Variants in LYN observed in about 807,000 individuals in gnomAD.
LYN encodes the protein tyrosine-protein kinase Lyn.
Under a neutral mutation model 65.0 loss-of-function variants are expected in LYN, and 12 were observed. The observed-to-expected ratio is 0.18, with a 90% CI of 0.12 to 0.30. The LOEUF (loss-of-function observed/expected upper bound fraction) is 0.30. Among genes scored for constraint, LYN ranks in the 10% least tolerant of loss-of-function variants. LYN has a pLI of 1.00. For missense variants in LYN, 380 were observed against 623.2 expected, an observed-to-expected ratio of 0.61 and a Z score of 4.16; for synonymous variants, 222 against 221.2, an observed-to-expected ratio of 1.00 and a Z score of -0.03.
chr8:55,947,228 G>A (rs1806806194), intron 3 of LYN, among the ~76,000 whole-genome samples: 2 of 152,350 alleles, frequency 1.3e-5, no homozygotes, highest in South Asian at 2.1e-4. Context: ...CAGTCTGGGC[G>A]ACAAGAGCGA....
intron 1 of LYN, among the ~76,000 whole-genome samples, chr8:55,880,555 A>G (rs993121702): frequency 6.6e-6 from 1 of 151,946 alleles, no homozygotes; most frequent in Non-Finnish European, 1.5e-5. Context: ...GTGCAATCTG[A>G]TCTCCCCTCT....
chr8:55,994,373 CTT>C, intron 10 of LYN, among the ~76,000 whole-genome samples: 1 of 152,204 alleles, frequency 6.6e-6, no homozygotes, highest in South Asian at 2.1e-4. Flanking sequence ...ATCTGAGCTC[CTT>C]AAAGCACTCT....
chr8:55,997,145 C>G (rs1205420958), intron 10 of LYN, among the ~76,000 whole-genome samples: 5 of 136,728 alleles, frequency 3.7e-5, no homozygotes, highest in African/African-American at 8.6e-5. Context: ...CTGGGGGAGA[C>G]AGTGAGACTG....
At chr8:55,967,337 CAG>C (rs1181676107) in intron 9 of LYN, among the ~76,000 whole-genome samples, 2 of 89,614 alleles carry the variant, frequency 2.2e-5, no homozygotes, top group Non-Finnish European at 4.0e-5. Context: ...TTTTTGGAAA[CAG>C]AGTCTCACAC....
chr8:55,961,148 T>C (rs76950468), intron 8 of LYN, among the ~76,000 whole-genome samples: 3,697 of 152,302 alleles, frequency 0.024, 163 homozygotes, highest in African/African-American at 0.085. Context: ...ACTGCATGCA[T>C]TTTTTAAAAA....
chr8:55,972,538 C>G (rs1235305331), intron 10 of LYN, among the ~76,000 whole-genome samples: 1 of 152,180 alleles, frequency 6.6e-6, no homozygotes, highest in South Asian at 2.1e-4. Context: ...CTCCCTCGTC[C>G]GCCTGGGATG....
chr8:56,000,759 G>T (rs1808491213), intron 12 of LYN, among the ~76,000 whole-genome samples: 1 of 147,978 alleles, frequency 6.8e-6, no homozygotes, highest in Non-Finnish European at 1.5e-5. Context: ...AAAAAAAGAG[G>T]GATTTCTCCC....
intron 1 of LYN, among the ~76,000 whole-genome samples, chr8:55,884,256 C>T (rs1320652252): frequency 6.6e-6 from 1 of 152,112 alleles, no homozygotes; most frequent in East Asian, 1.9e-4. Context: ...AAGCATGTGC[C>T]ACCACACCCA....
chr8:55,975,713 A>C (rs1342872713), intron 10 of LYN, among the ~76,000 whole-genome samples: 2 of 152,142 alleles, frequency 1.3e-5, no homozygotes, highest in Admixed American at 6.5e-5. Context: ...TTACTGTCAG[A>C]ATTGCAAAAG....
intron 1 of LYN, among the ~76,000 whole-genome samples, chr8:55,908,981 T>TTGTGTATG (rs1805507606): frequency 2.5e-5 from 1 of 39,552 alleles, no homozygotes; most frequent in Non-Finnish European, 5.0e-5. Flanking sequence ...TGGTATTCCA[T>TTGTGTATG]TGTGTATGTA....
intron 1 of LYN, among the ~76,000 whole-genome samples, chr8:55,909,362 C>A (rs933510723): frequency 6.6e-6 from 1 of 152,158 alleles, no homozygotes; most frequent in Non-Finnish European, 1.5e-5. Flanking sequence ...CCAGGGCCAA[C>A]AAGGCCCATG....
intron 10 of LYN, among the ~76,000 whole-genome samples, chr8:55,992,449 G>A (rs1390063723): frequency 6.6e-6 from 1 of 152,148 alleles, no homozygotes; most frequent in Admixed American, 6.5e-5. Flanking sequence ...GGTGTTTGGA[G>A]AACCTTCCTC....
At chr8:55,967,604 C>T (rs1807500699) in intron 9 of LYN, among the ~76,000 whole-genome samples, 1 of 152,142 alleles carries the variant, frequency 6.6e-6, no homozygotes, top group Non-Finnish European at 1.5e-5. Flanking sequence ...GCATGAGCAC[C>T]CAGCCTCTAT....
chr8:55,895,749 TG>T (rs1805077474), intron 1 of LYN: 1 of 152,226 alleles, frequency 6.6e-6, no homozygotes, highest in Non-Finnish European at 1.5e-5. Context: ...AACAGATTTT[TG>T]TTTGGTATCT....
At chr8:55,986,193 G>GC (rs947359948) in intron 10 of LYN, among the ~76,000 whole-genome samples, 6 of 146,878 alleles carry the variant, frequency 4.1e-5, no homozygotes, top group African/African-American at 1.3e-4. Flanking sequence ...AATCCCCCCC[G>GC]CAAAAAAAAA....
chr8:55,883,050 G>C (rs368080471), intron 1 of LYN, among the ~76,000 whole-genome samples: 9 of 152,142 alleles, frequency 5.9e-5, no homozygotes, highest in Non-Finnish European at 1.0e-4. Context: ...AAACATGGTC[G>C]AAACACTCAC....
chr8:55,962,881 G>A (rs1807328120), intron 8 of LYN, among the ~76,000 whole-genome samples: 1 of 152,202 alleles, frequency 6.6e-6, no homozygotes, highest in Non-Finnish European at 1.5e-5. Flanking sequence ...AAAAAGGAAG[G>A]CAAAAGGGAG....
At chr8:55,936,980 C>G (rs1209783673) in intron 1 of LYN, among the ~76,000 whole-genome samples, 2 of 152,212 alleles carry the variant, frequency 1.3e-5, no homozygotes, top group African/African-American at 4.8e-5. Context: ...TTTCTACCCC[C>G]CACGTCTTTT....
At chr8:55,949,425 C>T (rs541827469) in intron 4 of LYN, among the ~76,000 whole-genome samples, 69 of 152,330 alleles carry the variant, frequency 4.5e-4, no homozygotes, top group African/African-American at 1.6e-3. Context: ...AATTCCATCA[C>T]GGAGAGTGAA....
Sources: gnomAD v4.1 joint callset for allele counts (sites outside exome capture counted in the v4.1 genomes callset) on GRCh38, gnomAD v4.1.1 for gene constraint, MANE v1.5 for transcripts, NCBI Gene and HGNC (gene_info 2026-07-23, HGNC 2026-07-21) for gene names.